The following TRHDE variants were observed in gnomAD, a reference collection of about 807,000 sequenced individuals.
TRHDE encodes thyrotropin releasing hormone degrading enzyme.
Under a neutral mutation model 125.7 loss-of-function variants are expected in TRHDE, and 72 were observed. That is an observed-to-expected ratio of 0.57 (90% CI 0.47 to 0.70). The LOEUF (loss-of-function observed/expected upper bound fraction) is 0.70, where lower values mean the gene tolerates loss of function less well. Among genes scored for constraint, TRHDE ranks in the 30% least tolerant of loss-of-function variants. The pLI, the probability that TRHDE is intolerant of heterozygous loss-of-function variation, is 0.00. For synonymous variants in TRHDE, 509 were observed against 509.1 expected, an observed-to-expected ratio of 1.00 and a Z score of 0.00; for missense variants, 1,110 against 1,327.1, an observed-to-expected ratio of 0.84 and a Z score of 2.54.
At chr12:72,459,928 A>AT (rs1230632765) in intron 3 of TRHDE, among the ~76,000 whole-genome samples, 6 of 152,116 alleles carry the variant, frequency 3.9e-5, no homozygotes, top group Admixed American at 6.6e-5. Context: ...GGTATCATCA[A>AT]TTTTTTGTGC....
intron 2 of TRHDE, among the ~76,000 whole-genome samples, chr12:72,187,771 A>G (rs1436163195): frequency 6.6e-6 from 1 of 152,220 alleles, no homozygotes; most frequent in Non-Finnish European, 1.5e-5. Flanking sequence ...TTGACACATA[A>G]GATTAAACAT....
intron 3 of TRHDE, among the ~76,000 whole-genome samples, chr12:72,415,251 G>A (rs919111509): frequency 5.3e-5 from 8 of 152,122 alleles, no homozygotes; most frequent in African/African-American, 1.9e-4. Context: ...AGTTGTAATG[G>A]ATATATAATA....
chr12:72,535,685 T>C (rs534037486), intron 6 of TRHDE, among the ~76,000 whole-genome samples: 1 of 151,314 alleles, frequency 6.6e-6, no homozygotes, highest in African/African-American at 2.4e-5. Flanking sequence ...CATATTATTA[T>C]GGAAAAAAAA....
chr12:72,621,685 G>T lies in TRHDE; in HGVS notation c.2609G>T (p.Gly870Val), dbSNP rs1253348768. 6.2e-7 allele frequency: 1 copy of T among 1,607,798 alleles called. No individual in the cohort carries two copies. Among genetic ancestry groups the T allele is most frequent in the Non-Finnish European group, 8.5e-7 (1 of 1,178,038 alleles). ...GTTATAATGCTGGCCTGCAGTTTTG[G>T]CAACAAGCACTGTCACCAACAGGCA... ...REVIMLACSFGNKHCHQQAST... is the reference protein window; with the variant it reads ...REVIMLACSFVNKHCHQQAST... The change falls in exon 15 of 19, where the codon GGC (glycine) becomes GTC (valine). Residue 870 changes from glycine (G) to valine (V), a missense_variant. This residue lies in a region of TRHDE where 527 missense variants were observed against 651.8 expected (regional missense o/e 0.81). Transcript: ENST00000261180.
intron 12 of TRHDE, among the ~76,000 whole-genome samples, chr12:72,604,483 A>G (rs1872346718): frequency 6.6e-6 from 1 of 152,064 alleles, no homozygotes; most frequent in Non-Finnish European, 1.5e-5. Context: ...TTAGCATTGT[A>G]TATTAAATAA....
intron 5 of TRHDE, among the ~76,000 whole-genome samples, chr12:72,497,277 G>A (rs1877961374): frequency 1.3e-5 from 2 of 151,890 alleles, no homozygotes; most frequent in South Asian, 4.2e-4. Flanking sequence ...CTTTTAACAG[G>A]AAAGTTTTCT....
At chr12:72,563,546 TCTTA>T (rs1870286126) in intron 9 of TRHDE, among the ~76,000 whole-genome samples, 2 of 152,202 alleles carry the variant, frequency 1.3e-5, no homozygotes, top group African/African-American at 4.8e-5. Context: ...ATTTTCTCTT[TCTTA>T]TTTTTAGTGT....
intron 2 of TRHDE, among the ~76,000 whole-genome samples, chr12:72,155,376 A>G (rs1462128127): frequency 1.3e-5 from 2 of 152,012 alleles, no homozygotes; most frequent in African/African-American, 4.8e-5. Context: ...GATCGTCTGA[A>G]GCCTTCTTCT....
At chr12:72,582,722 C>A (rs1198421049) in intron 12 of TRHDE, 1 of 654,758 alleles carries the variant, frequency 1.5e-6, no homozygotes, top group South Asian at 6.8e-5. Flanking sequence ...AATACTTTGG[C>A]AGACTGGACT....
intron 3 of TRHDE, among the ~76,000 whole-genome samples, chr12:72,392,494 A>G (rs143706383): frequency 2.0e-5 from 3 of 152,304 alleles, no homozygotes; most frequent in East Asian, 3.9e-4. Flanking sequence ...TAATGTAAAG[A>G]CGCCTCCATA....
At chr12:72,353,303 T>C (rs1481408320) in intron 2 of TRHDE, among the ~76,000 whole-genome samples, 1 of 151,674 alleles carries the variant, frequency 6.6e-6, no homozygotes, top group Non-Finnish European at 1.5e-5. Context: ...GAAGCATTTG[T>C]AGTAGATTGA....
At chr12:72,548,413 T>A (rs1177824971) in intron 7 of TRHDE, among the ~76,000 whole-genome samples, 2 of 151,816 alleles carry the variant, frequency 1.3e-5, no homozygotes, top group African/African-American at 4.8e-5. Context: ...TACATACATA[T>A]ACATTACTAT....
intron 3 of TRHDE, among the ~76,000 whole-genome samples, chr12:72,468,762 G>A (rs1407626650): frequency 3.3e-5 from 5 of 152,306 alleles, no homozygotes; most frequent in Admixed American, 6.5e-5. Flanking sequence ...ATTCCCAGCC[G>A]CCACTGCCTG....
chr12:72,563,075 TTTATTC>T, intron 9 of TRHDE, 35 bp downstream of exon 9: 1 of 1,436,956 alleles, frequency 7.0e-7, no homozygotes, highest in Non-Finnish European at 9.5e-7. Context: ...AAATATTGTT[TTTATTC>T]TTACATTTGT....
intron 2 of TRHDE, among the ~76,000 whole-genome samples, chr12:72,197,739 C>T (rs879491269): frequency 6.6e-6 from 1 of 151,988 alleles, no homozygotes; most frequent in Admixed American, 6.6e-5. Flanking sequence ...CCAGGAACAC[C>T]ATTTCCTCCT....
intron 12 of TRHDE, among the ~76,000 whole-genome samples, chr12:72,597,758 T>TATATATATATATATAC (rs1565804834): frequency 1.5e-4 from 3 of 20,298 alleles, no homozygotes; most frequent in Non-Finnish European, 2.5e-4. Flanking sequence ...TATATATATA[T>TATATATATATATATAC]GCATACACAC....
Position 72,179,631 on chromosome 12 carries a change from C to T in TRHDE, n.279+73879C>T, listed in dbSNP as rs634001. Among the ~76,000 whole-genome samples the T allele has an allele frequency of 6.8e-4, 104 of 152,226 alleles. 1 individual carries two copies. The East Asian group carries it at 0.016, about 24-fold the overall frequency. ...TCCTCTCAGTGAGATACCTTCTCTT[C>T]CTTGTCTGAACTCTACAGTCATAAC... is the stretch of plus-strand genomic sequence containing the variant. On this transcript the variant is annotated intron_variant and non_coding_transcript_variant, in intron 2 of 4. Transcript: ENST00000548156.
chr12:72,659,102 A>G lies in TRHDE; in HGVS notation c.3066+2094A>G, dbSNP rs563525797. ...AGGGTTTATAGATCAAAAGGGAATC[A>G]GCATCTTTATGAATTCTGAAAACTC... On this transcript the variant is annotated intron_variant, in intron 18 of 18. Transcript: ENST00000261180. Among the ~76,000 whole-genome samples the G allele has an allele frequency of 2.2e-4, 33 of 152,304 alleles. No homozygotes were observed. The South Asian group carries it at 6.6e-3, about 31-fold the overall frequency.
intron 15 of TRHDE, among the ~76,000 whole-genome samples, chr12:72,644,518 G>A (rs1032584633): frequency 6.6e-6 from 1 of 152,218 alleles, no homozygotes; most frequent in Non-Finnish European, 1.5e-5. Context: ...CTCTTAGGGA[G>A]AGATTTGATC....
Sources: allele counts gnomAD v4.1 joint callset (sites outside exome capture counted in the v4.1 genomes callset), GRCh38; gene constraint gnomAD v4.1.1; regional missense constraint gnomAD v4.1.1; transcripts MANE v1.5; gene names NCBI Gene and HGNC (gene_info 2026-07-23, HGNC 2026-07-21).